UMAD1: variants seen among roughly 807,000 people sequenced by gnomAD.
The protein encoded by UMAD1 is UBAP1-MVB12-associated (UMA) domain containing 1.
A neutral mutation model predicts 6.1 loss-of-function variants in UMAD1; 8 were observed. The ratio of observed to expected loss-of-function variants is 1.30; its 90% CI spans 0.76 to 2.35. UMAD1 has a LOEUF of 2.35. Among genes scored for constraint, UMAD1 ranks in the 30% most tolerant of loss-of-function variants. UMAD1 has a pLI of 0.00. For synonymous variants in UMAD1, 56 were observed against 31.4 expected (o/e 1.78, Z -2.61); for missense variants, 130 against 78.4 (o/e 1.66, Z -2.49).
At chr7:7,774,150 A>G (rs1209620504) in intron 2 of UMAD1, among the ~76,000 whole-genome samples, 1 of 152,202 alleles carries the variant, frequency 6.6e-6, no homozygotes, top group Non-Finnish European at 1.5e-5. Context: ...GCAGCTTCTC[A>G]GGCTTAGATG....
chr7:7,742,998 G>C (rs917909760), intron 2 of UMAD1, among the ~76,000 whole-genome samples: 9 of 136,392 alleles, frequency 6.6e-5, no homozygotes, highest in Non-Finnish European at 1.3e-4. Flanking sequence ...CATGCACTAG[G>C]TTGTTTTTGT....
chr7:7,716,915 A>C (rs1398236048), intron 2 of UMAD1, among the ~76,000 whole-genome samples: 3 of 152,020 alleles, frequency 2.0e-5, no homozygotes, highest in Non-Finnish European at 4.4e-5. Flanking sequence ...GGTCTGATCA[A>C]TCTCTCGTGC....
rs1345364590 is a variant in UMAD1 at position 7,657,611 on chromosome 7, C to T, written c.-63-15698C>T. Among the ~76,000 whole-genome samples the T allele has an allele frequency of 3.3e-5, 5 of 152,120 alleles. No homozygotes were observed. In the East Asian group the frequency reaches 9.6e-4, roughly 29 times the overall value. On this transcript the variant is annotated intron_variant, in intron 1 of 3. Coordinates refer to ENST00000682710, the MANE Select transcript of UMAD1 (RefSeq NM_001302348.2). ...TGTTTTTTTCAGGTATGTCAAAGAT[C>T]AGATGGTTGTAGATGTGTGGTATTA...
intron 2 of UMAD1, among the ~76,000 whole-genome samples, chr7:7,706,277 T>C (rs1324166874): frequency 6.6e-6 from 1 of 152,120 alleles, no homozygotes; most frequent in Non-Finnish European, 1.5e-5. Flanking sequence ...AAATTATCTG[T>C]TGGTACAGAT....
At chr7:7,734,154 G>A (rs1397130347) in intron 2 of UMAD1, among the ~76,000 whole-genome samples, 2 of 152,032 alleles carry the variant, frequency 1.3e-5, no homozygotes, top group South Asian at 2.1e-4. Context: ...ATAGGCTTAA[G>A]TTCTTTTTGA....
rs146953185 is a variant in UMAD1, at chr7:7,853,499, G to A, written c.157-23782G>A. On this transcript the variant is annotated intron_variant, in intron 3 of 3. Coordinates refer to ENST00000682710, the MANE Select transcript of UMAD1 (RefSeq NM_001302348.2). The stretch of plus-strand genomic sequence containing the variant: ...TCTTAATTTTTTTCTATTATCCTTT[G>A]TAGTTTTCAGGGTATGAGTTTTGTA... Among the ~76,000 whole-genome samples the A allele has an allele frequency of 5.3e-3, 798 of 151,392 alleles. 8 individuals carry two copies. The highest frequency in any genetic ancestry group is 0.018 in the African/African-American group (753 of 41,236).
At chr7:7,699,049 T>G (rs796095181) in intron 2 of UMAD1, among the ~76,000 whole-genome samples, 4,707 of 143,454 alleles carry the variant, frequency 0.033, 165 homozygotes, top group African/African-American at 0.092. Context: ...TGTGTGTGTG[T>G]GGGGGGGGGG....
At chr7:7,647,526 C>T (rs766603324) in intron 1 of UMAD1, among the ~76,000 whole-genome samples, 4 of 152,182 alleles carry the variant, frequency 2.6e-5, no homozygotes, top group Non-Finnish European at 5.9e-5. Flanking sequence ...CTTAATATCT[C>T]AATTATCGAT....
chr7:7,834,408 C>T (rs1783526259), intron 3 of UMAD1, among the ~76,000 whole-genome samples: 1 of 152,168 alleles, frequency 6.6e-6, no homozygotes, highest in Non-Finnish European at 1.5e-5. Flanking sequence ...TATTTTTAGA[C>T]TGCACTCCAC....
intron 2 of UMAD1, among the ~76,000 whole-genome samples, chr7:7,787,791 G>A (rs1423076208): frequency 6.6e-6 from 1 of 152,118 alleles, no homozygotes; most frequent in African/African-American, 2.4e-5. Flanking sequence ...TGTCCTTATT[G>A]TAGAAATCCC....
At chr7:7,755,057 C>A (rs182380818) in intron 2 of UMAD1, among the ~76,000 whole-genome samples, 1 of 152,160 alleles carries the variant, frequency 6.6e-6, no homozygotes, top group South Asian at 2.1e-4. Context: ...CACAACCCTT[C>A]GGTGGCTTCA....
chr7:7,743,181 A>C (rs1245903859), intron 2 of UMAD1, among the ~76,000 whole-genome samples: 1 of 152,194 alleles, frequency 6.6e-6, no homozygotes, highest in East Asian at 1.9e-4. Flanking sequence ...GCAGGATGAA[A>C]TTTATATACA....
chr7:7,799,378 G>A (rs1051199583), intron 2 of UMAD1, among the ~76,000 whole-genome samples: 5 of 152,236 alleles, frequency 3.3e-5, no homozygotes, highest in African/African-American at 1.2e-4. Flanking sequence ...CTTCCAGGCA[G>A]ATGTGTTGTG....
intron 3 of UMAD1, among the ~76,000 whole-genome samples, chr7:7,809,221 G>C (rs931538303): frequency 2.6e-5 from 4 of 151,848 alleles, no homozygotes; most frequent in African/African-American, 9.7e-5. Context: ...TGTTTATTCA[G>C]GTAATTTCAA....
intron 3 of UMAD1, among the ~76,000 whole-genome samples, chr7:7,815,015 C>T (rs1783097356): frequency 6.6e-6 from 1 of 152,168 alleles, no homozygotes; most frequent in Admixed American, 6.5e-5. Flanking sequence ...CTTCTGTATA[C>T]ACTTTCAATC....
chr7:7,731,501 A>C (rs947269991), intron 2 of UMAD1, among the ~76,000 whole-genome samples: 4 of 147,288 alleles, frequency 2.7e-5, no homozygotes, highest in Admixed American at 1.3e-4. Flanking sequence ...CAAAAAAAAA[A>C]CACTTCTAGA....
chr7:7,743,495 A>G (rs1033430924), intron 2 of UMAD1, among the ~76,000 whole-genome samples: 3 of 152,034 alleles, frequency 2.0e-5, no homozygotes, highest in Non-Finnish European at 2.9e-5. Context: ...TATCTTTTAC[A>G]GATTTTTTTA....
chr7:7,835,561 T>A (rs10242873), intron 3 of UMAD1, among the ~76,000 whole-genome samples: 68,583 of 146,244 alleles, frequency 0.47, 17,781 homozygotes, highest in African/African-American at 0.68. Context: ...GGAAGTTTAT[T>A]TTCTAGTGTG....
At position 7,847,102 on chromosome 7, in the gene UMAD1, AAAATATATATATATAT is replaced by A. The variant is rs1251744386; in HGVS notation, c.157-30177_157-30162del. On this transcript the variant is annotated intron_variant, in intron 3 of 3. Coordinates refer to ENST00000682710, the MANE Select transcript of UMAD1 (RefSeq NM_001302348.2). ...GACAGCAATGCAAAAAAAAAAAAAA[AAAATATATATATATAT>A]ATATATATATATATATATATATATA... Among the ~76,000 whole-genome samples, 15 of 20,272 alleles carry A rather than the reference AAAATATATATATATAT, an allele frequency of 7.4e-4. 1 individual carries two copies. Among genetic ancestry groups the A allele is most frequent in the African/African-American group, 2.6e-3 (8 of 3,124 alleles). The allele number at this position is 20,272 out of a possible 152,430, so 13.3% of individuals were successfully genotyped here.
Sources: allele counts gnomAD v4.1 joint callset (sites outside exome capture counted in the v4.1 genomes callset), GRCh38; gene constraint gnomAD v4.1.1; transcripts MANE v1.5; gene names NCBI Gene and HGNC (gene_info 2026-07-23, HGNC 2026-07-21).